The following RBM47 variants were observed in gnomAD, a reference collection of about 807,000 sequenced individuals.
RBM47 encodes RNA-binding protein 47.
In RBM47, 21 loss-of-function variants were observed where a neutral mutation model predicts 47.1. That is an observed-to-expected ratio of 0.45 (90% confidence interval 0.32 to 0.64). RBM47 has a LOEUF of 0.64. Ranked by LOEUF, RBM47 falls within the 30% of genes least tolerant of loss-of-function variation. The pLI is 0.05. For synonymous variants in RBM47, 375 were observed against 361.7 expected (o/e 1.04, Z -0.42); for missense variants, 708 against 870.9 (o/e 0.81, Z 2.35).
chr4:40,437,090 AAT>A (rs1247522305), intron 4 of RBM47, among the ~76,000 whole-genome samples: 18,573 of 48,978 alleles, frequency 0.38, 4,413 homozygotes, highest in Non-Finnish European at 0.47. Context: ...AAAAAAAAAA[AAT>A]ATATATATAT....
chr4:40,461,363 T>A (rs1481549996), intron 3 of RBM47, among the ~76,000 whole-genome samples: 2 of 152,232 alleles, frequency 1.3e-5, no homozygotes, highest in African/African-American at 4.8e-5. Context: ...TAATAAAGTG[T>A]GAAATGATTT....
At chr4:40,494,426 T>TA (rs1722298825) in intron 2 of RBM47, among the ~76,000 whole-genome samples, 1 of 152,182 alleles carries the variant, frequency 6.6e-6, no homozygotes, top group Admixed American at 6.5e-5. Flanking sequence ...GTCAAATACT[T>TA]AGTGTCCTCA....
chr4:40,543,189 C>T (rs1426064666), intron 2 of RBM47: 2 of 152,194 alleles, frequency 1.3e-5, no homozygotes, highest in African/African-American at 4.8e-5. Context: ...GTGGCATTAA[C>T]TCTCAAGATG....
At chr4:40,519,913 C>G (rs981400771) in intron 2 of RBM47, among the ~76,000 whole-genome samples, 6 of 152,058 alleles carry the variant, frequency 3.9e-5, no homozygotes, top group African/African-American at 1.4e-4. Flanking sequence ...CATGATCCAC[C>G]TGCCTTGGCC....
chr4:40,545,074 C>T (rs10025888), intron 1 of RBM47, among the ~76,000 whole-genome samples: 3,951 of 127,216 alleles, frequency 0.031, 131 homozygotes, highest in African/African-American at 0.089. Flanking sequence ...TTTTTTCAGA[C>T]GGAGTCTCGC....
intron 2 of RBM47, among the ~76,000 whole-genome samples, chr4:40,477,044 G>A (rs1231749120): frequency 7.2e-5 from 11 of 152,260 alleles, no homozygotes; most frequent in Non-Finnish European, 1.3e-4. Context: ...AGACTCGGGC[G>A]TGGTGGTGGG....
At chr4:40,426,277 C>G in intron 6 of RBM47, 134 bp from the exon 7 acceptor site, 1 of 1,166,642 alleles carries the variant, frequency 8.6e-7, no homozygotes, top group Non-Finnish European at 1.2e-6. Flanking sequence ...GAGGGGCGGG[C>G]AAACAGCAAT....
At chr4:40,574,599 C>G (rs1404118538) in intron 1 of RBM47, among the ~76,000 whole-genome samples, 1 of 152,162 alleles carries the variant, frequency 6.6e-6, no homozygotes, top group Non-Finnish European at 1.5e-5. Context: ...CCTGTAATCC[C>G]AGCACTTTGG....
chr4:40,436,914 T>C (rs12503550), intron 4 of RBM47: 260,688 of 536,996 alleles, frequency 0.49, 68,370 homozygotes, highest in South Asian at 0.63. Context: ...AAAACATTCA[T>C]AGACTACCCA....
At chr4:40,609,670 C>T (rs1356186515) in intron 1 of RBM47, among the ~76,000 whole-genome samples, 1 of 152,052 alleles carries the variant, frequency 6.6e-6, no homozygotes, top group Non-Finnish European at 1.5e-5. Flanking sequence ...AAATTATATG[C>T]TTTGCGCATG....
chr4:40,547,200 T>C (rs1729119132), intron 1 of RBM47, among the ~76,000 whole-genome samples: 1 of 152,208 alleles, frequency 6.6e-6, no homozygotes, highest in Non-Finnish European at 1.5e-5. Context: ...TTCTAGGATA[T>C]ACAGTGCCCC....
At chr4:40,572,812 C>T (rs921178978) in intron 1 of RBM47, among the ~76,000 whole-genome samples, 1 of 151,710 alleles carries the variant, frequency 6.6e-6, no homozygotes, top group Non-Finnish European at 1.5e-5. Flanking sequence ...TGTGAGCCTC[C>T]TTGTTTATTC....
intron 1 of RBM47, among the ~76,000 whole-genome samples, chr4:40,558,626 A>G (rs986322127): frequency 6.6e-6 from 1 of 151,906 alleles, no homozygotes; most frequent in East Asian, 1.9e-4. Flanking sequence ...TCAGGAGTTC[A>G]AGACTAGCCT....
chr4:40,500,156 A>T (rs1223908170), intron 2 of RBM47, among the ~76,000 whole-genome samples: 1 of 152,202 alleles, frequency 6.6e-6, no homozygotes, highest in Admixed American at 6.5e-5. Flanking sequence ...TCTACTAAAA[A>T]TACAAAATTA....
intron 2 of RBM47, among the ~76,000 whole-genome samples, chr4:40,482,333 A>C (rs1321678284): frequency 6.6e-6 from 1 of 151,954 alleles, no homozygotes; most frequent in Non-Finnish European, 1.5e-5. Context: ...AGCTCACTAC[A>C]ACCTCCGCCT....
chr4:40,426,181 G>A (rs370502604), intron 6 of RBM47, 38 bp from the exon 7 acceptor site: 46 of 1,595,420 alleles, frequency 2.9e-5, no homozygotes, highest in Non-Finnish European at 3.8e-5. Context: ...TCCTGAACAC[G>A]TGTATGTACC....
At chr4:40,541,475 G>A (rs1041138143) in intron 2 of RBM47, among the ~76,000 whole-genome samples, 2 of 152,034 alleles carry the variant, frequency 1.3e-5, no homozygotes, top group South Asian at 4.1e-4. Flanking sequence ...GGTGGCTCAC[G>A]CCTGTAATCC....
At chr4:40,443,745 A>G (rs1358881805) in intron 3 of RBM47, among the ~76,000 whole-genome samples, 1 of 142,238 alleles carries the variant, frequency 7.0e-6, no homozygotes, top group Non-Finnish European at 1.5e-5. Flanking sequence ...AAAAAAAAAA[A>G]AAAAAAAGGT....
chr4:40,588,636 T>A (rs1010455129), intron 1 of RBM47, among the ~76,000 whole-genome samples: 1 of 152,162 alleles, frequency 6.6e-6, no homozygotes, highest in Admixed American at 6.5e-5. Flanking sequence ...TTTAGCTACA[T>A]CCATCTCCAT....
Sources: gnomAD v4.1 joint callset for allele counts (sites outside exome capture counted in the v4.1 genomes callset) on GRCh38, gnomAD v4.1.1 for gene constraint, MANE v1.5 for transcripts, NCBI Gene and HGNC (gene_info 2026-07-23, HGNC 2026-07-21) for gene names.